The following TOR2A variants were observed in gnomAD, a reference collection of about 807,000 sequenced individuals.
TOR2A encodes torsin family 2 member A.
In TOR2A, 24 loss-of-function variants were observed where a neutral mutation model predicts 28.6. The ratio of observed to expected loss-of-function variants is 0.84; its 90% CI spans 0.61 to 1.18. TOR2A has a LOEUF of 1.18. Ranked by LOEUF, TOR2A falls within the 50% of genes most tolerant of loss-of-function variation. The pLI, the probability that TOR2A is intolerant of heterozygous loss-of-function variation, is 0.00. For missense variants in TOR2A, 426 were observed against 448.1 expected (o/e 0.95, Z 0.45); for synonymous variants, 203 against 203.1 (o/e 1.00, Z 0.00).
At chr9:127,734,063 T>G in intron 2 of TOR2A, 1 of 479,816 alleles carries the variant, frequency 2.1e-6, no homozygotes, top group Admixed American at 3.8e-5. Flanking sequence ...CTCATGTCCC[T>G]CACAACAACC....
At chr9:127,734,591 C>T in intron 1 of TOR2A, 27 bp from the exon 2 acceptor site, 1 of 1,475,354 alleles carries the variant, frequency 6.8e-7, no homozygotes, top group Non-Finnish European at 9.0e-7. Context: ...ATGGTGAGGA[C>T]ACATCCCACC....
In TOR2A at chr9:127,732,577, C is replaced by A; in HGVS notation, c.708G>T (p.Leu236=). 6.3e-7 allele frequency: 1 copy of A among 1,591,062 alleles called. No homozygotes were observed. The highest frequency in any genetic ancestry group is 8.5e-7 in the Non-Finnish European group (1 of 1,173,008). The change falls in exon 4 of 5, where the codon CTG becomes CTT. Residue 236 remains leucine (L), a synonymous_variant. Transcript: ENST00000373284. Reference sequence around the variant, plus strand: ...AGCCAGACTCACGGTGCGGGTTGTCCAGCACCGCGCGGGAGATGACCGGCT... The same window carrying A: ...AGCCAGACTCACGGTGCGGGTTGTCAAGCACCGCGCGGGAGATGACCGGCT... ...ELEPVISRAV[L]DNPHHGFSNS... is the part of the protein sequence containing the mutation.
At chr9:127,733,676 AC>A in intron 2 of TOR2A, 116 bp from the exon 3 acceptor site, 1 of 946,374 alleles carries the variant, frequency 1.1e-6, no homozygotes, top group Non-Finnish European at 1.5e-6. Flanking sequence ...TCCAGAGAGC[AC>A]CAACCTCTTA....
chr9:127,732,518 G>A, intron 4 of TOR2A, 46 bp downstream of exon 4: 1 of 1,540,036 alleles, frequency 6.5e-7, no homozygotes, highest in South Asian at 1.2e-5. Flanking sequence ...TGGCCCCTGG[G>A]TGTGGGGTGA....
chr9:127,731,586 C>A lies in TOR2A; in HGVS notation c.*448G>T. On this transcript the variant is annotated 3_prime_UTR_variant, in exon 5 of 5. Transcript: ENST00000373284. ...TTTACAAAATTAAAAACATCTAAAA[C>A]CAGGCCCAAGTGGCAGCTTGAGTCC... 7.3e-7 allele frequency: 1 copy of A among 1,365,668 alleles called. No individual in the cohort carries two copies. Among genetic ancestry groups the A allele is most frequent in the Non-Finnish European group, 9.6e-7 (1 of 1,043,546 alleles). 84.6% of individuals were successfully genotyped at this position (1,365,668 alleles called of 1,614,324 possible). A position where few individuals can be genotyped will look rare whatever the true frequency, so the allele number is the denominator to read the frequency against.
intron 1 of TOR2A, 80 bp from the exon 2 acceptor site, chr9:127,734,644 T>G: frequency 7.2e-7 from 1 of 1,382,664 alleles, no homozygotes; most frequent in East Asian, 2.8e-5. Flanking sequence ...GAACCTGGTC[T>G]GGGACTCCTG....
intron 2 of TOR2A, chr9:127,733,979 T>C: frequency 2.4e-6 from 1 of 417,186 alleles, no homozygotes; most frequent in Non-Finnish European, 4.3e-6. Context: ...TTGGGGCTGA[T>C]TTCCAGCAAG....
In TOR2A at chr9:127,735,151, A is replaced by T. The variant is rs760981090; in HGVS notation, c.120T>A (p.Phe40Leu). ...LASLRCTLGA[F>L]CECDFRPDLP... ...AGTCGGGCCGGAAGTCGCATTCGCAAAAGGCGCCCAAGGTGCAGCGCAGGG... is the reference window on the plus strand; with the variant it reads ...AGTCGGGCCGGAAGTCGCATTCGCATAAGGCGCCCAAGGTGCAGCGCAGGG... Residue 40 changes from phenylalanine to leucine, a missense_variant, in exon 1 of 5, where the codon TTT becomes TTA. By Grantham distance (22) the Phe-to-Leu change is conservative. Transcript: ENST00000373284. 24 of 1,484,418 alleles carry T rather than the reference A, an allele frequency of 1.6e-5. No homozygotes were observed. The highest frequency in any genetic ancestry group is 2.1e-5 in the Non-Finnish European group (24 of 1,124,914). The allele number at this position is 1,484,418 out of a possible 1,614,324, so 92.0% of individuals were successfully genotyped here. A position where few individuals can be genotyped will look rare whatever the true frequency, so the allele number is the denominator to read the frequency against.
chr9:127,733,638 A>C, intron 2 of TOR2A, 78 bp from the exon 3 acceptor site: 43 of 1,270,354 alleles, frequency 3.4e-5, no homozygotes, highest in Non-Finnish European at 4.4e-5. Context: ...ACCAAAACTA[A>C]TCTCCTTTCT....
chr9:127,731,864 A>G lies in TOR2A; in HGVS notation c.*170T>C, dbSNP rs1340300561. On this transcript the variant is annotated 3_prime_UTR_variant, in exon 5 of 5. Coordinates refer to ENST00000373284, the MANE Select transcript of TOR2A (RefSeq NM_001085347.3). ...TTCCCTGGGGAAGGTGGCCGGGGCC[A>G]AGATGCTCTCGAGCCAGTTTAGAGG... The G allele has an allele frequency of 2.6e-5, 36 of 1,389,226 alleles. No individual in the cohort carries two copies. The highest frequency in any genetic ancestry group is 9.5e-7 in the Non-Finnish European group (1 of 1,048,850). The allele number at this position is 1,389,226 out of a possible 1,614,324, so 86.1% of individuals were successfully genotyped here.
Position 127,734,484 on chromosome 9 carries a change from C to A in TOR2A, c.232G>T (p.Val78Leu). The change falls in exon 2 of 5, where the codon GTG becomes TTG. Residue 78 changes from valine to leucine, a missense_variant. Val to Leu is a conservative substitution (Grantham distance 32, BLOSUM62 1). Transcript: ENST00000373284. ...GGCTTGGTGGGGGCTGGGTCCCGCA[C>A]AAAGGCCTTCAGCGCCTTCACCACC... The part of the protein sequence containing the change: ...ALVVKALKAF[V>L]RDPAPTKPLV... 2 of 1,590,606 alleles carry A rather than the reference C, an allele frequency of 1.3e-6. No homozygotes were observed. The highest frequency in any genetic ancestry group is 1.8e-5 in the Admixed American group (1 of 56,904).
rs1374659802 is a variant in TOR2A at position 127,732,039 on chromosome 9, G to A, written c.961C>T (p.Leu321Phe). 1 of 1,613,194 alleles carries A rather than the reference G, an allele frequency of 6.2e-7. No homozygotes were observed. Among genetic ancestry groups the A allele is most frequent in the South Asian group, 1.1e-5 (1 of 91,018 alleles). ...CGAGGACACCACTCAGAGAGTCAGA[G>A]GAAGAAGGCGATTCGGGAGGCCACG... ...KTVASRIAFFL is the reference protein window; with the variant it reads ...KTVASRIAFFF Residue 321 changes from leucine to phenylalanine, a missense_variant, in exon 5 of 5, where the codon CTC (leucine) becomes TTC (phenylalanine). Coordinates refer to ENST00000373284, the MANE Select transcript of TOR2A (RefSeq NM_001085347.3).
rs887714078 is a variant in TOR2A at position 127,731,652 on chromosome 9, A to G, written c.*382T>C. Reference sequence around the variant, plus strand: ...CTGAGAAGGCTCCACCTGGCTTGATATGGACACAGGGTGTGGGGTGGAGGG... The same window carrying G: ...CTGAGAAGGCTCCACCTGGCTTGATGTGGACACAGGGTGTGGGGTGGAGGG... On this transcript the variant is annotated 3_prime_UTR_variant, in exon 5 of 5. Coordinates refer to ENST00000373284, the MANE Select transcript of TOR2A (RefSeq NM_001085347.3). 9.6e-6 allele frequency: 9 copies of G among 937,322 alleles called. No individual in the cohort carries two copies. The Admixed American group carries it at 1.2e-4, about 13-fold the overall frequency. The allele number at this position is 937,322 out of a possible 1,614,324, so 58.1% of individuals were successfully genotyped here. A position where few individuals can be genotyped will look rare whatever the true frequency, so the allele number is the denominator to read the frequency against.
chr9:127,732,166 C>A lies in TOR2A; in HGVS notation c.834G>T (p.Gln278His). Residue 278 changes from glutamine (Q) to histidine (H), a missense_variant, in exon 5 of 5, where the codon CAG becomes CAT. By Grantham distance (24) the Gln-to-His change is conservative. Transcript: ENST00000373284. Reference sequence around the variant, plus strand: ...CCTCATCCCTTGGCTCCAGGCCCAGCTGGGCCAGCTCGTTGAGCACGCAGT... The same window carrying A: ...CCTCATCCCTTGGCTCCAGGCCCAGATGGGCCAGCTCGTTGAGCACGCAGT... ...VRHCVLNELA[Q>H]LGLEPRDEVV... is the part of the protein sequence containing the mutation. The A allele has an allele frequency of 1.9e-6, 3 of 1,613,514 alleles. No homozygotes were observed. The highest frequency in any genetic ancestry group is 2.5e-6 in the Non-Finnish European group (3 of 1,179,998).
chr9:127,734,802 T>G, intron 1 of TOR2A: 1 of 528,768 alleles, frequency 1.9e-6, no homozygotes, highest in Non-Finnish European at 3.1e-6. Context: ...AAATGCGAGC[T>G]GTCAACGGGG....
chr9:127,732,861 C>A lies in TOR2A; in HGVS notation c.594-170G>T, dbSNP rs534561817. On this transcript the variant is annotated intron_variant, in intron 3 of 4. Coordinates refer to ENST00000373284, the MANE Select transcript of TOR2A (RefSeq NM_001085347.3). ...CCCTCCATGGTGTCCACATCCATGG[C>A]CCCTGTAATTCACCTACACATGCCA... 2.8e-6 allele frequency: 4 copies of A among 1,429,588 alleles called. No homozygotes were observed. In the African/African-American group the frequency reaches 4.3e-5, roughly 15 times the overall value. 88.6% of individuals were successfully genotyped at this position (1,429,588 alleles called of 1,614,324 possible).
intron 3 of TOR2A, 66 bp from the exon 4 acceptor site, chr9:127,732,757 C>T (rs1844504665): frequency 1.3e-5 from 19 of 1,517,894 alleles, no homozygotes; most frequent in South Asian, 4.9e-5. Context: ...ATTGGACCCT[C>T]GCTTCCCCGC....
rs1315975143 is a variant in TOR2A at position 127,734,549 on chromosome 9, A to T, written c.167T>A (p.Leu56Gln). The T allele has an allele frequency of 6.6e-7, 1 of 1,526,496 alleles. No individual in the cohort carries two copies. The highest frequency in any genetic ancestry group is 2.3e-5 in the East Asian group (1 of 42,976). 94.6% of individuals were successfully genotyped at this position (1,526,496 alleles called of 1,614,324 possible). ...RPDLPGLECD[L>Q]AQHLAGQHLA... ...ATGCTGGCCGGCCAGGTGCTGAGCC[A>T]GGTCACACTCCAGACCTAGGGCCAC... is the stretch of plus-strand genomic sequence containing the variant. The change falls in exon 2 of 5, where the codon CTG becomes CAG. Residue 56 changes from leucine to glutamine, a missense_variant. Transcript: ENST00000373284.
In TOR2A at chr9:127,734,998, C is replaced by G. The variant is rs555680145; in HGVS notation, c.151+122G>C. 128 of 1,296,798 alleles carry G rather than the reference C, an allele frequency of 9.9e-5. 1 individual carries two copies. In the South Asian group the frequency reaches 2.5e-3, roughly 25 times the overall value. The allele number at this position is 1,296,798 out of a possible 1,614,324, so 80.3% of individuals were successfully genotyped here. On this transcript the variant is annotated intron_variant, in intron 1 of 4. Transcript: ENST00000373284. ...TCCCAAGTCTGCGGGCCCCGCCCCT[C>G]GGTCCCACCCTCTGGGTCCTCAGCT...
Sources: gnomAD v4.1 joint callset for allele counts on GRCh38, gnomAD v4.1.1 for gene constraint, MANE v1.5 for transcripts, NCBI Gene and HGNC (gene_info 2026-07-23, HGNC 2026-07-21) for gene names.